Variants in CLIC5 observed in about 807,000 individuals in gnomAD.
CLIC5 encodes chloride intracellular channel protein 5.
A neutral mutation model predicts 24.7 loss-of-function variants in CLIC5; 20 were observed. The ratio of observed to expected loss-of-function variants is 0.81; its 90% CI spans 0.57 to 1.18. CLIC5 has a LOEUF of 1.18. Ranked by LOEUF, CLIC5 falls within the 50% of genes most tolerant of loss-of-function variation. The pLI, the probability that CLIC5 is intolerant of heterozygous loss-of-function variation, is 0.00. For synonymous variants in CLIC5, 159 were observed against 135.6 expected (o/e 1.17, Z -1.20); for missense variants, 341 against 326.1 (o/e 1.05, Z -0.35).
At chr6:45,942,420 A>G (rs1437163595) in intron 3 of CLIC5, among the ~76,000 whole-genome samples, 1 of 152,122 alleles carries the variant, frequency 6.6e-6, no homozygotes, top group Non-Finnish European at 1.5e-5. Flanking sequence ...TCATGTGGGA[A>G]CCCAGGGCTT....
chr6:46,015,564 C>G lies in CLIC5; in HGVS notation c.-22G>C, dbSNP rs373238468. 15 of 1,553,050 alleles carry G rather than the reference C, an allele frequency of 9.7e-6. No individual in the cohort carries two copies. The highest frequency in any genetic ancestry group is 1.4e-5 in the African/African-American group (1 of 71,800). On this transcript the variant is annotated 5_prime_UTR_variant, in exon 1 of 6. Transcript: ENST00000339561. ...TCATGCCGTTGGCGCCCGGGGCTAC[C>G]GTCCCGGGCCGGGGAGGCGCCACCT...
At chr6:46,003,502 C>T (rs188740638) in intron 1 of CLIC5, among the ~76,000 whole-genome samples, 366 of 152,264 alleles carry the variant, frequency 2.4e-3, no homozygotes, top group Non-Finnish European at 3.5e-3. Context: ...GGAGCAGATC[C>T]TAAGTCTAAA....
At chr6:45,954,098 A>AC (rs1764558518) in intron 2 of CLIC5, among the ~76,000 whole-genome samples, 1 of 151,800 alleles carries the variant, frequency 6.6e-6, no homozygotes, top group African/African-American at 2.4e-5. Context: ...AGATGGTGAA[A>AC]CCCCGTCTCT....
intron 1 of CLIC5, among the ~76,000 whole-genome samples, chr6:46,073,095 T>C (rs887245780): frequency 1.3e-5 from 2 of 152,120 alleles, no homozygotes; most frequent in African/African-American, 2.4e-5. Context: ...AGTGCTAAGA[T>C]TCTGAGAGTC....
At chr6:46,071,434 T>C (rs778156019) in intron 1 of CLIC5, among the ~76,000 whole-genome samples, 6 of 151,984 alleles carry the variant, frequency 3.9e-5, no homozygotes, top group Non-Finnish European at 7.4e-5. Flanking sequence ...GCAAAGGACA[T>C]GAATACTTTT....
chr6:46,048,519 C>T (rs1380768988), intron 1 of CLIC5, among the ~76,000 whole-genome samples: 2 of 152,070 alleles, frequency 1.3e-5, no homozygotes, highest in South Asian at 2.1e-4. Context: ...TCTTTCTTTC[C>T]AGTCTCTTTG....
chr6:45,987,591 A>AAAT (rs1201844372), intron 1 of CLIC5, among the ~76,000 whole-genome samples: 1 of 152,204 alleles, frequency 6.6e-6, no homozygotes, highest in East Asian at 1.9e-4. Context: ...AATAACAACA[A>AAAT]AAGAATTATT....
At chr6:46,015,869 C>G (rs913083793), upstream of CLIC5, 1 of 1,068,030 alleles carries the variant, frequency 9.4e-7, no homozygotes. Flanking sequence ...GCGATCCCGC[C>G]GCCGCCAACG....
chr6:46,080,129 C>T, exon 1 of CLIC5: 1 of 1,551,698 alleles, frequency 6.4e-7, no homozygotes, highest in Non-Finnish European at 8.7e-7. Flanking sequence ...GCCTTAAGTA[C>T]TCATGGACAT....
the CLIC5 span, among the ~76,000 whole-genome samples, chr6:46,090,032 G>A: frequency 6.6e-6 from 1 of 152,152 alleles, no homozygotes; most frequent in Non-Finnish European, 1.5e-5. Flanking sequence ...TCCCCCAACA[G>A]CTGACACTAA....
the CLIC5 span, among the ~76,000 whole-genome samples, chr6:46,111,867 A>G: frequency 6.6e-6 from 1 of 152,114 alleles, no homozygotes; most frequent in African/African-American, 2.4e-5. Flanking sequence ...AAGTCTCATG[A>G]GATCTGATGG....
At chr6:45,948,145 T>A (rs1050207796) in intron 3 of CLIC5, among the ~76,000 whole-genome samples, 15 of 152,208 alleles carry the variant, frequency 9.9e-5, no homozygotes, top group African/African-American at 3.4e-4. Flanking sequence ...CTAAGTGTTG[T>A]GAATGGTGCC....
chr6:45,928,993 G>A (rs1763620169), intron 4 of CLIC5, among the ~76,000 whole-genome samples: 1 of 152,072 alleles, frequency 6.6e-6, no homozygotes, highest in South Asian at 2.1e-4. Flanking sequence ...AACTCATTCT[G>A]GTCAGACAGC....
intron 1 of CLIC5, among the ~76,000 whole-genome samples, chr6:46,036,207 C>A (rs1767653629): frequency 6.6e-6 from 1 of 151,908 alleles, no homozygotes; most frequent in South Asian, 2.1e-4. Flanking sequence ...TATTATTTGG[C>A]AGTTTATTTA....
chr6:46,124,225 C>T, the CLIC5 span, among the ~76,000 whole-genome samples: 1 of 152,126 alleles, frequency 6.6e-6, no homozygotes, highest in Admixed American at 6.6e-5. Context: ...GCACTGGTAC[C>T]AAAACAGAGA....
intron 4 of CLIC5, among the ~76,000 whole-genome samples, chr6:45,934,726 C>T (rs938165009): frequency 2.6e-5 from 4 of 152,210 alleles, no homozygotes; most frequent in African/African-American, 9.7e-5. Flanking sequence ...ATGCCTACTT[C>T]CTCTCCAGCT....
intron 1 of CLIC5, among the ~76,000 whole-genome samples, chr6:46,062,991 T>C (rs768232002): frequency 3.9e-5 from 6 of 152,240 alleles, no homozygotes; most frequent in Non-Finnish European, 7.3e-5. Flanking sequence ...AAAAATGGTA[T>C]GCTGCCTTTT....
intron 1 of CLIC5, among the ~76,000 whole-genome samples, chr6:46,070,756 C>A (rs919381486): frequency 2.0e-5 from 3 of 151,822 alleles, no homozygotes; most frequent in Admixed American, 6.6e-5. Context: ...CAAAAAAGAA[C>A]CCAAATAGCC....
chr6:45,917,759 A>T (rs551694880), intron 4 of CLIC5, among the ~76,000 whole-genome samples: 1 of 152,334 alleles, frequency 6.6e-6, no homozygotes, highest in South Asian at 2.1e-4. Context: ...CCATCCATAG[A>T]ATTTAATGAT....
Sources: allele counts gnomAD v4.1 joint callset (sites outside exome capture counted in the v4.1 genomes callset), GRCh38; gene constraint gnomAD v4.1.1; transcripts MANE v1.5; gene names NCBI Gene and HGNC (gene_info 2026-07-23, HGNC 2026-07-21).